FMN1: variants seen among roughly 807,000 people sequenced by gnomAD.
FMN1 encodes formin-1.
A neutral mutation model predicts 132.4 loss-of-function variants in FMN1; 110 were observed. The ratio of observed to expected loss-of-function variants is 0.83; its 90% CI spans 0.71 to 0.97. FMN1 has a LOEUF of 0.97. Ranked by LOEUF, FMN1 falls within the 50% of genes least tolerant of loss-of-function variation. FMN1 has a pLI of 0.00. For missense variants in FMN1, 1,792 were observed against 1,705.3 expected (o/e 1.05, Z -0.90); for synonymous variants, 722 against 651.7 (o/e 1.11, Z -1.64).
intron 16 of FMN1, among the ~76,000 whole-genome samples, chr15:32,866,390 T>C (rs2059394332): frequency 6.6e-6 from 1 of 150,718 alleles, no homozygotes; most frequent in East Asian, 1.9e-4. Context: ...TAAATAAACA[T>C]GTGAAAAAAA....
At chr15:33,098,049 A>G (rs937891809) in intron 4 of FMN1, among the ~76,000 whole-genome samples, 6 of 152,244 alleles carry the variant, frequency 3.9e-5, no homozygotes, top group Admixed American at 3.9e-4. Flanking sequence ...CATATGAAAT[A>G]TATTCATTGG....
At chr15:33,026,987 C>G (rs947071907) in intron 6 of FMN1, among the ~76,000 whole-genome samples, 2 of 152,170 alleles carry the variant, frequency 1.3e-5, no homozygotes, top group African/African-American at 2.4e-5. Flanking sequence ...AATTTAAGAT[C>G]TGAATTTGTG....
chr15:32,976,265 GA>G (rs375027717), intron 7 of FMN1, among the ~76,000 whole-genome samples: 61 of 152,222 alleles, frequency 4.0e-4, no homozygotes, highest in African/African-American at 1.3e-3. Flanking sequence ...TGTCACCTCT[GA>G]AAAGTGCAGC....
In FMN1 at chr15:32,771,426, G is replaced by A. The variant is rs2056239537; in HGVS notation, c.*2884C>T. ...ACGTGTCTGTAGTGTAATTTATGAT[G>A]TACTTTGTGTAATTTATGTAACTTA... On this transcript the variant is annotated 3_prime_UTR_variant, in exon 21 of 21. Coordinates refer to ENST00000616417, the MANE Select transcript of FMN1 (RefSeq NM_001277313.2). 6.6e-6 allele frequency: 1 copy of A among 152,102 alleles called. No homozygotes were observed. Among genetic ancestry groups the A allele is most frequent in the South Asian group, 2.1e-4 (1 of 4,824 alleles). The allele number at this position is 152,102 out of a possible 1,614,324, so 9.4% of individuals were successfully genotyped here.
intron 9 of FMN1, among the ~76,000 whole-genome samples, chr15:32,962,219 T>A (rs531082622): frequency 9.2e-5 from 14 of 152,218 alleles, no homozygotes; most frequent in African/African-American, 3.1e-4. Context: ...ATGTTTTACA[T>A]CTATGCTATC....
At chr15:32,884,966 T>C (rs919876176) in intron 16 of FMN1, among the ~76,000 whole-genome samples, 4 of 138,742 alleles carry the variant, frequency 2.9e-5, no homozygotes, top group African/African-American at 8.7e-5. Context: ...ATCAGCTTTA[T>C]TGAAGCTGCC....
In FMN1 at chr15:33,126,966, A is replaced by G. The variant is rs538688371; in HGVS notation, c.1867+26082T>C. Among the ~76,000 whole-genome samples the G allele has an allele frequency of 8.5e-5, 13 of 152,286 alleles. No homozygotes were observed. In the South Asian group the frequency reaches 2.5e-3, roughly 29 times the overall value. On this transcript the variant is annotated intron_variant, in intron 4 of 20. Transcript: ENST00000616417. Reference sequence around the variant, plus strand: ...CCTGACAAAGAACTGTGGTTGGCTGACTCTGTGGAGAGGCTTGCAAGATGC... The same window carrying G: ...CCTGACAAAGAACTGTGGTTGGCTGGCTCTGTGGAGAGGCTTGCAAGATGC...
intron 17 of FMN1, among the ~76,000 whole-genome samples, chr15:32,852,255 A>C (rs1415480313): frequency 1.3e-5 from 2 of 152,220 alleles, no homozygotes; most frequent in Non-Finnish European, 2.9e-5. Flanking sequence ...TCCAAGCAAG[A>C]AAAAGGAGTT....
chr15:32,934,840 C>T (rs1567422110), intron 9 of FMN1, among the ~76,000 whole-genome samples: 1 of 150,424 alleles, frequency 6.6e-6, no homozygotes, highest in Non-Finnish European at 1.5e-5. Context: ...CTCCTGACCT[C>T]AGGTGATCCA....
At chr15:32,788,336 C>T (rs1258385052) in intron 19 of FMN1, among the ~76,000 whole-genome samples, 1 of 152,210 alleles carries the variant, frequency 6.6e-6, no homozygotes, top group Non-Finnish European at 1.5e-5. Flanking sequence ...GAAATCAGCC[C>T]TGTGTCATAA....
chr15:33,186,203 A>G (rs1965880688), intron 2 of FMN1, among the ~76,000 whole-genome samples: 1 of 151,948 alleles, frequency 6.6e-6, no homozygotes, highest in African/African-American at 2.4e-5. Context: ...TCCTTTTCTA[A>G]GTCAAAATCT....
intron 18 of FMN1, among the ~76,000 whole-genome samples, chr15:32,801,705 G>C (rs1186463903): frequency 6.6e-6 from 1 of 152,252 alleles, no homozygotes; most frequent in Non-Finnish European, 1.5e-5. Context: ...TGAGGCAGGA[G>C]AATGGCGTGA....
At chr15:33,173,145 G>A (rs151239864) in intron 3 of FMN1, among the ~76,000 whole-genome samples, 1 of 152,270 alleles carries the variant, frequency 6.6e-6, no homozygotes, top group Admixed American at 6.5e-5. Context: ...TGAAACTGAT[G>A]AATAAGGAAT....
At chr15:32,799,049 T>C in intron 18 of FMN1, 96 bp from the exon 19 acceptor site, 1 of 1,010,136 alleles carries the variant, frequency 9.9e-7, no homozygotes, top group Non-Finnish European at 1.4e-6. Flanking sequence ...CAGTTTCTCT[T>C]GTGTTTATTT....
At chr15:33,148,942 C>T (rs1964337883) in intron 4 of FMN1, among the ~76,000 whole-genome samples, 1 of 152,020 alleles carries the variant, frequency 6.6e-6, no homozygotes, top group East Asian at 1.9e-4. Context: ...GAAAAGTGTA[C>T]TTTAGCTATA....
intron 19 of FMN1, among the ~76,000 whole-genome samples, chr15:32,788,603 C>G (rs554531508): frequency 6.6e-6 from 1 of 152,308 alleles, no homozygotes; most frequent in African/African-American, 2.4e-5. Flanking sequence ...CAGGCAGCCC[C>G]CTGTTGCATC....
intron 10 of FMN1, among the ~76,000 whole-genome samples, chr15:32,922,873 C>T (rs11632769): frequency 0.41 from 62,715 of 152,016 alleles, 13,370 homozygotes; most frequent in African/African-American, 0.53. Flanking sequence ...AGATATTTAC[C>T]GTGTGCTTAT....
intron 7 of FMN1, among the ~76,000 whole-genome samples, chr15:32,987,803 A>G (rs1007371592): frequency 5.9e-5 from 9 of 152,188 alleles, no homozygotes; most frequent in African/African-American, 2.2e-4. Flanking sequence ...ACCTATGAAG[A>G]AACACTTAAC....
rs1015484348 is a variant in FMN1 at position 32,979,045 on chromosome 15, G to T, written c.2224-9568C>A. Among the ~76,000 whole-genome samples the T allele has an allele frequency of 3.9e-5, 6 of 152,196 alleles. No homozygotes were observed. In the East Asian group the frequency reaches 1.2e-3, roughly 29 times the overall value. ...AGTACTGACTAGAAAAATAGTTCCC[G>T]CAACTTTACAAATGATACAGCTCTC... is the stretch of plus-strand genomic sequence containing the variant. On this transcript the variant is annotated intron_variant, in intron 7 of 20. Coordinates refer to ENST00000616417, the MANE Select transcript of FMN1 (RefSeq NM_001277313.2).
Sources: gnomAD v4.1 joint callset for allele counts (sites outside exome capture counted in the v4.1 genomes callset) on GRCh38, gnomAD v4.1.1 for gene constraint, MANE v1.5 for transcripts, NCBI Gene and HGNC (gene_info 2026-07-23, HGNC 2026-07-21) for gene names.